NINL: variants seen among roughly 807,000 people sequenced by gnomAD.
NINL encodes ninein-like protein.
Under a neutral mutation model 160.3 loss-of-function variants are expected in NINL, and 153 were observed. The ratio of observed to expected loss-of-function variants is 0.95; its 90% CI spans 0.84 to 1.09. The LOEUF is 1.09. Ranked by LOEUF, NINL falls within the 50% of genes least tolerant of loss-of-function variation. The pLI, the probability that NINL is intolerant of heterozygous loss-of-function variation, is 0.00. For synonymous variants in NINL, 800 were observed against 734.8 expected (o/e 1.09, Z -1.43); for missense variants, 1,829 against 1,764.0 (o/e 1.04, Z -0.66).
intron 1 of NINL, among the ~76,000 whole-genome samples, chr20:25,569,825 C>G (rs145858909): frequency 6.6e-6 from 1 of 152,108 alleles, no homozygotes; most frequent in African/African-American, 2.4e-5. Flanking sequence ...GGAAATGTCA[C>G]GACTGTCAAG....
At chr20:25,473,494 T>A (rs6138579) in intron 17 of NINL, among the ~76,000 whole-genome samples, 55 of 142,168 alleles carry the variant, frequency 3.9e-4, no homozygotes, top group South Asian at 6.8e-4. Context: ...AATAATAAAA[T>A]AAATAAAATA....
chr20:25,512,929 C>G lies in NINL; in HGVS notation c.355G>C (p.Asp119His). ...ACGCGTCTGGCTTCTGTGGCAGCGT[C>G]ACATAGCTCAGGCCGGCTCCGACGG... ...YGRRSRPELCDAATEARRVPE... is the reference protein window; with the variant it reads ...YGRRSRPELCHAATEARRVPE... Residue 119 changes from aspartate to histidine, a missense_variant, in exon 4 of 24, where the codon GAC becomes CAC. Physicochemically the swap from Asp to His is moderately conservative, Grantham distance 81. Transcript: ENST00000278886. 1.2e-6 allele frequency: 2 copies of G among 1,614,212 alleles called. No homozygotes were observed. The highest frequency in any genetic ancestry group is 8.5e-7 in the Non-Finnish European group (1 of 1,180,036).
At chr20:25,577,007 GAC>G (rs931006664) in intron 1 of NINL, among the ~76,000 whole-genome samples, 4 of 152,200 alleles carry the variant, frequency 2.6e-5, no homozygotes, top group Admixed American at 6.5e-5. Context: ...CATCCTGCTT[GAC>G]ACAGTTTCCT....
chr20:25,583,199 G>A lies in NINL; in HGVS notation c.-12+2256C>T, dbSNP rs189372025. Among the ~76,000 whole-genome samples, 227 of 152,162 alleles carry A rather than the reference G, an allele frequency of 1.5e-3. 4 individuals are homozygous for A. Among genetic ancestry groups the A allele is most frequent in the Admixed American group, 0.014 (221 of 15,274 alleles). Reference sequence around the variant, plus strand: ...AGAGTGAACAGGCAACCTACAGAACGGGGTAAAATTTTTGCAATCTACCCT... The same window carrying A: ...AGAGTGAACAGGCAACCTACAGAACAGGGTAAAATTTTTGCAATCTACCCT... On this transcript the variant is annotated intron_variant, in intron 1 of 23. Transcript: ENST00000278886.
intron 1 of NINL, among the ~76,000 whole-genome samples, chr20:25,553,208 T>C (rs1430695752): frequency 6.8e-6 from 1 of 146,682 alleles, no homozygotes; most frequent in African/African-American, 2.5e-5. Context: ...GGGCTCGTGA[T>C]CCTCCCACCT....
At chr20:25,552,426 G>A (rs529517856) in intron 1 of NINL, among the ~76,000 whole-genome samples, 2 of 152,242 alleles carry the variant, frequency 1.3e-5, no homozygotes, top group East Asian at 3.9e-4. Context: ...TTTTCTAAAA[G>A]AGCTGTGAAA....
chr20:25,576,140 C>T (rs750103594), intron 1 of NINL, among the ~76,000 whole-genome samples: 3 of 152,226 alleles, frequency 2.0e-5, no homozygotes, highest in Non-Finnish European at 4.4e-5. Flanking sequence ...GTTTCCAATT[C>T]AGAGACAAGC....
Position 25,528,967 on chromosome 20 carries a change from G to A in NINL, c.-11-2369C>T, listed in dbSNP as rs73335402. On this transcript the variant is annotated intron_variant, in intron 1 of 23. Transcript: ENST00000278886. Reference sequence around the variant, plus strand: ...ATGTCGCTTTAATGTGGCGGGAGGCGTTTACTTGCCATCATCCACACAGGG... The same window carrying A: ...ATGTCGCTTTAATGTGGCGGGAGGCATTTACTTGCCATCATCCACACAGGG... Among the ~76,000 whole-genome samples, 1,049 of 152,260 alleles carry A rather than the reference G, an allele frequency of 6.9e-3. 20 individuals are homozygous for A. Among genetic ancestry groups the A allele is most frequent in the African/African-American group, 0.024 (989 of 41,552 alleles).
At chr20:25,574,131 T>A (rs760853389) in intron 1 of NINL, among the ~76,000 whole-genome samples, 2 of 152,160 alleles carry the variant, frequency 1.3e-5, no homozygotes, top group Non-Finnish European at 1.5e-5. Context: ...GATTCTAGTA[T>A]AAATGACTGT....
rs757292220 is a variant in NINL, at chr20:25,458,375, C to T, written c.3843+8G>A. 1.9e-6 allele frequency: 3 copies of T among 1,605,702 alleles called. No individual in the cohort carries two copies. Among genetic ancestry groups the T allele is most frequent in the Non-Finnish European group, 1.7e-6 (2 of 1,179,964 alleles). On this transcript the variant is annotated splice_region_variant and intron_variant, in intron 22 of 23. Coordinates refer to ENST00000278886, the MANE Select transcript of NINL (RefSeq NM_025176.6). ...TCGTCAGCCATCTCTCGCTGCATCC[C>T]CACTTACCCGCTGTGCATCCAGGCG...
At chr20:25,548,444 G>A (rs2064761386) in intron 1 of NINL, among the ~76,000 whole-genome samples, 1 of 152,154 alleles carries the variant, frequency 6.6e-6, no homozygotes, top group Non-Finnish European at 1.5e-5. Context: ...TGAGCGTGCT[G>A]GCCTATGGGC....
chr20:25,536,381 T>C (rs1440459388), intron 1 of NINL, among the ~76,000 whole-genome samples: 4 of 152,118 alleles, frequency 2.6e-5, no homozygotes, highest in African/African-American at 4.8e-5. Context: ...ACAAGGCTGA[T>C]GGAGCATTTG....
intron 1 of NINL, among the ~76,000 whole-genome samples, chr20:25,584,245 TG>T (rs1178666118): frequency 6.6e-6 from 1 of 152,178 alleles, no homozygotes; most frequent in Non-Finnish European, 1.5e-5. Context: ...CCGAGGCAGC[TG>T]GATCACCTGA....
intron 3 of NINL, among the ~76,000 whole-genome samples, chr20:25,517,159 C>A (rs1221382014): frequency 1.3e-5 from 2 of 152,158 alleles, no homozygotes; most frequent in African/African-American, 4.8e-5. Context: ...TCTACTGCCA[C>A]ACACCCCTCC....
intron 19 of NINL, among the ~76,000 whole-genome samples, chr20:25,465,532 G>C (rs1026178836): frequency 1.1e-4 from 17 of 152,090 alleles, no homozygotes; most frequent in African/African-American, 3.9e-4. Flanking sequence ...CTCCTTCCAG[G>C]TCCAGCCCCA....
chr20:25,515,797 G>A (rs898682972), intron 3 of NINL, among the ~76,000 whole-genome samples: 1 of 152,020 alleles, frequency 6.6e-6, no homozygotes, highest in Non-Finnish European at 1.5e-5. Context: ...TTGAGACAGA[G>A]TCTCTCTCTG....
At chr20:25,474,102 C>T (rs913346864) in intron 17 of NINL, among the ~76,000 whole-genome samples, 21 of 152,284 alleles carry the variant, frequency 1.4e-4, no homozygotes, top group African/African-American at 4.6e-4. Context: ...AGGAACCCAA[C>T]GTAATCACAA....
intron 5 of NINL, among the ~76,000 whole-genome samples, chr20:25,505,992 G>A (rs1013770516): frequency 3.0e-4 from 46 of 152,358 alleles, no homozygotes; most frequent in African/African-American, 9.6e-4. Context: ...GGCTGGGCGC[G>A]GTGGCTTACG....
At chr20:25,582,024 G>A (rs917085636) in intron 1 of NINL, among the ~76,000 whole-genome samples, 2 of 152,164 alleles carry the variant, frequency 1.3e-5, no homozygotes, top group Admixed American at 6.5e-5. Context: ...TTGGGAGGCC[G>A]AGCGGGGTGG....
Sources: gnomAD v4.1 joint callset for allele counts (sites outside exome capture counted in the v4.1 genomes callset) on GRCh38, gnomAD v4.1.1 for gene constraint, MANE v1.5 for transcripts, NCBI Gene and HGNC (gene_info 2026-07-23, HGNC 2026-07-21) for gene names.